Variants in CACNA1B observed in about 807,000 individuals in gnomAD.
The protein encoded by CACNA1B is calcium voltage-gated channel subunit alpha1 B.
A neutral mutation model predicts 247.2 loss-of-function variants in CACNA1B; 70 were observed. That is an observed-to-expected ratio of 0.28 (90% confidence interval 0.23 to 0.35). CACNA1B has a LOEUF of 0.35. Ranked by LOEUF, CACNA1B falls within the 10% of genes least tolerant of loss-of-function variation. The pLI, the probability that CACNA1B is intolerant of heterozygous loss-of-function variation, is 1.00. For synonymous variants in CACNA1B, 1,231 were observed against 1,294.4 expected (o/e 0.95, Z 1.05); for missense variants, 2,367 against 3,197.4 (o/e 0.74, Z 6.26).
rs114923354 is a variant in CACNA1B, at chr9:137,989,021, C to G, written c.1974+2167C>G. On this transcript the variant is annotated intron_variant, in intron 15 of 46. Coordinates refer to ENST00000371372, the MANE Select transcript of CACNA1B (RefSeq NM_000718.4). ...AGCTTCAGCTGTGCTCATGGTGGAG[C>G]TGCAAACTGAGGGCTGGGAACAGCC... Among the ~76,000 whole-genome samples, 3 of 152,284 alleles carry G rather than the reference C, an allele frequency of 2.0e-5. No homozygotes were observed. The East Asian group carries it at 5.8e-4, about 29-fold the overall frequency.
intron 36 of CACNA1B, among the ~76,000 whole-genome samples, chr9:138,087,736 AAAAGAC>A (rs1960746722): frequency 2.7e-5 from 4 of 150,200 alleles, no homozygotes; most frequent in African/African-American, 9.7e-5. Flanking sequence ...AAAAAAAAAA[AAAAGAC>A]AGAAAAAGAG....
chr9:137,879,750 G>C (rs989472615), intron 2 of CACNA1B, among the ~76,000 whole-genome samples: 3 of 152,222 alleles, frequency 2.0e-5, no homozygotes, highest in African/African-American at 7.2e-5. Context: ...GAGTCTGTGT[G>C]AGTCAGGGTG....
chr9:138,092,201 C>A (rs191420388), intron 36 of CACNA1B, among the ~76,000 whole-genome samples: 80 of 152,254 alleles, frequency 5.3e-4, no homozygotes, highest in African/African-American at 1.9e-3. Flanking sequence ...AGCAGACAAC[C>A]GGTCTGACTA....
chr9:138,077,040 A>G (rs1394203687), intron 35 of CACNA1B, among the ~76,000 whole-genome samples: 4 of 152,202 alleles, frequency 2.6e-5, no homozygotes, highest in Non-Finnish European at 4.4e-5. Flanking sequence ...AGGCAAACCT[A>G]TGAAGTCAGC....
chr9:138,064,507 A>G (rs1959845944), intron 31 of CACNA1B, among the ~76,000 whole-genome samples: 1 of 152,138 alleles, frequency 6.6e-6, no homozygotes, highest in South Asian at 2.1e-4. Flanking sequence ...TGAATTCTAT[A>G]TTTACATATG....
At chr9:137,956,986 AC>A (rs1957956629) in intron 9 of CACNA1B, among the ~76,000 whole-genome samples, 159 bp downstream of exon 9, 1 of 152,060 alleles carries the variant, frequency 6.6e-6, no homozygotes, top group African/African-American at 2.4e-5. Flanking sequence ...ATGGTGTCTG[AC>A]CCTGGCACCT....
At chr9:138,016,063 C>G (rs1449806822) in intron 18 of CACNA1B, among the ~76,000 whole-genome samples, 1 of 152,070 alleles carries the variant, frequency 6.6e-6, no homozygotes, top group African/African-American at 2.4e-5. Flanking sequence ...CTCACACAGA[C>G]ACACACACAC....
At chr9:138,080,246 G>A (rs1216555137) in intron 36 of CACNA1B, among the ~76,000 whole-genome samples, 1 of 152,196 alleles carries the variant, frequency 6.6e-6, no homozygotes, top group African/African-American at 2.4e-5. Flanking sequence ...GCTGGACGTG[G>A]GATCAAAGCT....
intron 2 of CACNA1B, among the ~76,000 whole-genome samples, chr9:137,879,438 C>T (rs1956886828): frequency 6.6e-6 from 1 of 152,214 alleles, no homozygotes; most frequent in African/African-American, 2.4e-5. Context: ...TGGCTTTCGG[C>T]GCTAGACTTT....
intron 38 of CACNA1B, among the ~76,000 whole-genome samples, chr9:138,103,954 G>A (rs1026245894): frequency 6.6e-6 from 1 of 152,216 alleles, no homozygotes; most frequent in African/African-American, 2.4e-5. Context: ...TGCCTGCCTG[G>A]GGGTTCTGCA....
chr9:137,900,126 C>G (rs1053042762), intron 3 of CACNA1B, among the ~76,000 whole-genome samples: 1 of 152,204 alleles, frequency 6.6e-6, no homozygotes, highest in African/African-American at 2.4e-5. Context: ...TAGACCAGGC[C>G]TGACTGGGGT....
At chr9:138,055,057 T>C (rs143513806) in intron 26 of CACNA1B, among the ~76,000 whole-genome samples, 247 of 152,220 alleles carry the variant, frequency 1.6e-3, no homozygotes, top group African/African-American at 5.5e-3. Flanking sequence ...GCAGACGTCT[T>C]CTCCTCCTCT....
chr9:138,055,229 T>C (rs906208719), intron 26 of CACNA1B, among the ~76,000 whole-genome samples: 1 of 151,844 alleles, frequency 6.6e-6, no homozygotes, highest in African/African-American at 2.4e-5. Context: ...CAGGCCCAAG[T>C]GATCCTCCCT....
Position 137,963,648 on chromosome 9 carries a change from C to T in CACNA1B, c.1333+5961C>T, listed in dbSNP as rs533600813. 8.5e-5 allele frequency among the ~76,000 whole-genome samples: 13 copies of T among 152,316 alleles called. No individual in the cohort carries two copies. In the South Asian group the frequency reaches 2.5e-3, roughly 29 times the overall value. On this transcript the variant is annotated intron_variant, in intron 10 of 46. Coordinates refer to ENST00000371372, the MANE Select transcript of CACNA1B (RefSeq NM_000718.4). ...CAGACCTCAAATGATCTGCCTGCCTCGGCCTCCCAAGGTGCTGGGATTATA... is the reference window on the plus strand; with the variant it reads ...CAGACCTCAAATGATCTGCCTGCCTTGGCCTCCCAAGGTGCTGGGATTATA...
At chr9:137,945,160 G>A (rs1293840474) in intron 6 of CACNA1B, among the ~76,000 whole-genome samples, 1 of 152,190 alleles carries the variant, frequency 6.6e-6, no homozygotes, top group African/African-American at 2.4e-5. Flanking sequence ...AGCTGATATT[G>A]GGGCTATACA....
At chr9:137,905,352 C>CAAA (rs55748127) in intron 3 of CACNA1B, among the ~76,000 whole-genome samples, 1 of 68,694 alleles carries the variant, frequency 1.5e-5, no homozygotes. Context: ...GACTCTGTCT[C>CAAA]AAAAAAAAAA....
At chr9:137,931,494 AG>A (rs1957607849) in intron 6 of CACNA1B, among the ~76,000 whole-genome samples, 1 of 151,908 alleles carries the variant, frequency 6.6e-6, no homozygotes, top group South Asian at 2.1e-4. Context: ...CTTTTGATTT[AG>A]TTCTAGGAAG....
intron 42 of CACNA1B, 100 bp from the exon 43 acceptor site, chr9:138,117,846 G>T (rs1169738302): frequency 2.2e-6 from 2 of 914,896 alleles, no homozygotes; most frequent in Non-Finnish European, 3.2e-6. Context: ...GACCTCTGCT[G>T]CATGTGTTGG....
chr9:137,972,134 G>A (rs1958159873), intron 11 of CACNA1B, among the ~76,000 whole-genome samples: 1 of 148,286 alleles, frequency 6.7e-6, no homozygotes, highest in African/African-American at 2.5e-5. Flanking sequence ...CGTGGAGTGA[G>A]CTGTTTGCAG....
Sources: allele counts gnomAD v4.1 joint callset (sites outside exome capture counted in the v4.1 genomes callset), GRCh38; gene constraint gnomAD v4.1.1; transcripts MANE v1.5; gene names NCBI Gene and HGNC (gene_info 2026-07-23, HGNC 2026-07-21).